Variants in NDUFS1 observed in about 807,000 individuals in gnomAD.
NDUFS1 encodes the protein NADH:ubiquinone oxidoreductase core subunit S1.
A neutral mutation model predicts 84.4 loss-of-function variants in NDUFS1; 61 were observed. The observed-to-expected ratio is 0.72, with a 90% CI of 0.59 to 0.89. The LOEUF is 0.89. Ranked by LOEUF, NDUFS1 falls within the 40% of genes least tolerant of loss-of-function variation. The probability of loss-of-function intolerance (pLI) is 0.00; values close to 1 mark genes in which losing one functional copy is unlikely to be tolerated. For missense variants in NDUFS1, 891 were observed against 890.0 expected (o/e 1.00, Z -0.01); for synonymous variants, 275 against 290.0 (o/e 0.95, Z 0.53).
intron 12 of NDUFS1, 141 bp from the exon 13 acceptor site, chr2:206,138,755 G>A (rs180929119): frequency 1.0e-5 from 10 of 957,716 alleles, no homozygotes; most frequent in African/African-American, 6.5e-5. Context: ...GATTTACTAC[G>A]TACCTTTCAA....
intron 2 of NDUFS1, 103 bp from the exon 3 acceptor site, chr2:206,152,613 C>T (rs980691876): frequency 6.1e-5 from 57 of 929,472 alleles, no homozygotes; most frequent in Middle Eastern, 2.1e-4. Context: ...TTTTTCATTC[C>T]TTATTATTCC....
In NDUFS1 at chr2:206,120,485, T is replaced by C. The variant is rs1396731265; in HGVS notation, c.*3700A>G. ...GTCTCAGATGGAAATGAGGAAGTTA[T>C]TGGGAACAGGAATAAAGGTACATCT... On this transcript the variant is annotated 3_prime_UTR_variant, in exon 19 of 19. Transcript: ENST00000233190. 3 of 152,166 alleles carry C rather than the reference T, an allele frequency of 2.0e-5. No homozygotes were observed. The highest frequency in any genetic ancestry group is 4.4e-5 in the Non-Finnish European group (3 of 68,054). The allele number at this position is 152,166 out of a possible 1,614,324, so 9.4% of individuals were successfully genotyped here. A position where few individuals can be genotyped will look rare whatever the true frequency, so the allele number is the denominator to read the frequency against.
chr2:206,115,825 A>G lies in NDUFS1; in HGVS notation c.*8360T>C. 1 of 433,158 alleles carries G rather than the reference A, an allele frequency of 2.3e-6. No individual in the cohort carries two copies. The highest frequency in any genetic ancestry group is 4.3e-6 in the Non-Finnish European group (1 of 233,260). The allele number at this position is 433,158 out of a possible 1,614,324, so 26.8% of individuals were successfully genotyped here. A position where few individuals can be genotyped will look rare whatever the true frequency, so the allele number is the denominator to read the frequency against. ...AACAACATTATCTTTGAATTATGTAATTTTTGTAACTAATTTTTACCATGG... is the reference window on the plus strand; with the variant it reads ...AACAACATTATCTTTGAATTATGTAGTTTTTGTAACTAATTTTTACCATGG... On this transcript the variant is annotated 3_prime_UTR_variant, in exon 19 of 19. Coordinates refer to ENST00000233190, the MANE Select transcript of NDUFS1 (RefSeq NM_005006.7).
At chr2:206,152,654 T>A in intron 2 of NDUFS1, 144 bp from the exon 3 acceptor site, 1 of 706,828 alleles carries the variant, frequency 1.4e-6, no homozygotes, top group Non-Finnish European at 2.6e-6. Context: ...AACTTATGGT[T>A]GTCTACTTTT....
chr2:206,126,672 TACA>T, intron 17 of NDUFS1, 35 bp downstream of exon 17: 2 of 1,614,128 alleles, frequency 1.2e-6, no homozygotes, highest in Non-Finnish European at 1.7e-6. Context: ...CACCAGTAGA[TACA>T]ACATTATGAA....
intron 12 of NDUFS1, among the ~76,000 whole-genome samples, chr2:206,141,273 G>A (rs913061765): frequency 1.4e-4 from 21 of 151,964 alleles, no homozygotes; most frequent in African/African-American, 3.9e-4. Context: ...GGCCGGGCGC[G>A]GTGGCTCACA....
chr2:206,140,941 T>TACACACAC (rs757622422), intron 12 of NDUFS1, among the ~76,000 whole-genome samples: 3 of 67,074 alleles, frequency 4.5e-5, no homozygotes, highest in Admixed American at 3.0e-4. Flanking sequence ...TATATATATA[T>TACACACAC]ATACACACAC....
chr2:206,159,376 C>T lies in NDUFS1; in HGVS notation c.-40G>A. ...GAGCCGCGGAGGCTGTTCTGCTAAACTGTCTGGACCACGACGACCCCCTAG... is the reference window on the plus strand; with the variant it reads ...GAGCCGCGGAGGCTGTTCTGCTAAATTGTCTGGACCACGACGACCCCCTAG... On this transcript the variant is annotated 5_prime_UTR_variant, in exon 1 of 19. Transcript: ENST00000233190. The T allele has an allele frequency of 1.7e-6, 1 of 573,554 alleles. No individual in the cohort carries two copies. The allele number at this position is 573,554 out of a possible 1,614,324, so 35.5% of individuals were successfully genotyped here.
chr2:206,136,783 T>TTC (rs1691733962), intron 13 of NDUFS1, among the ~76,000 whole-genome samples: 2 of 150,538 alleles, frequency 1.3e-5, no homozygotes, highest in South Asian at 4.2e-4. Context: ...GAGACAGGGT[T>TTC]TCACTCCTGT....
intron 8 of NDUFS1, among the ~76,000 whole-genome samples, chr2:206,145,807 G>A (rs1044978402): frequency 2.6e-5 from 4 of 152,174 alleles, no homozygotes; most frequent in Admixed American, 6.5e-5. Flanking sequence ...TGGTACAGAT[G>A]GAGACAACTC....
chr2:206,151,606 C>T (rs1470763022), intron 3 of NDUFS1, among the ~76,000 whole-genome samples: 1 of 152,164 alleles, frequency 6.6e-6, no homozygotes, highest in Non-Finnish European at 1.5e-5. Flanking sequence ...ACATTTAGAT[C>T]TGTGACAACT....
chr2:206,149,416 T>C (rs1193835500), intron 4 of NDUFS1, among the ~76,000 whole-genome samples: 1 of 152,132 alleles, frequency 6.6e-6, no homozygotes, highest in Admixed American at 6.5e-5. Context: ...AATAAAAAAA[T>C]TGCATACACC....
intron 13 of NDUFS1, among the ~76,000 whole-genome samples, chr2:206,136,429 T>G (rs1344154795): frequency 3.4e-5 from 4 of 118,994 alleles, no homozygotes; most frequent in East Asian, 2.1e-4. Flanking sequence ...AGTTGTTGGT[T>G]TTTTTTTTGT....
intron 8 of NDUFS1, among the ~76,000 whole-genome samples, 153 bp from the exon 9 acceptor site, chr2:206,145,179 C>T (rs903814913): frequency 2.0e-5 from 3 of 152,056 alleles, no homozygotes; most frequent in Non-Finnish European, 4.4e-5. Flanking sequence ...AATAAAAGAA[C>T]CCCCCACCTT....
At chr2:206,130,424 G>A (rs1054737251) in intron 14 of NDUFS1, among the ~76,000 whole-genome samples, 182 bp from the exon 15 acceptor site, 12 of 150,922 alleles carry the variant, frequency 8.0e-5, no homozygotes, top group African/African-American at 3.0e-4. Flanking sequence ...GCGTGATCTC[G>A]GCTCACTGTA....
intron 5 of NDUFS1, among the ~76,000 whole-genome samples, chr2:206,148,735 A>G (rs1692255463): frequency 6.6e-6 from 1 of 152,186 alleles, no homozygotes; most frequent in Non-Finnish European, 1.5e-5. Context: ...AATCAATCCC[A>G]GTATAGTATA....
At chr2:206,147,384 A>G in intron 7 of NDUFS1, 147 bp downstream of exon 7, 1 of 820,500 alleles carries the variant, frequency 1.2e-6, no homozygotes, top group Non-Finnish European at 1.9e-6. Flanking sequence ...ATGAAAGTGA[A>G]CTTATTTTAT....
intron 15 of NDUFS1, 91 bp from the exon 16 acceptor site, chr2:206,128,063 A>G: frequency 7.1e-7 from 1 of 1,411,238 alleles, no homozygotes; most frequent in Non-Finnish European, 9.8e-7. Flanking sequence ...TTTAAATCCC[A>G]TTTTGTAAAG....
chr2:206,116,675 C>T lies in NDUFS1; in HGVS notation c.*7510G>A, dbSNP rs1690953167. Reference sequence around the variant, plus strand: ...TCAAGGTGGGAGGAGCGCCTGGGCCCAGGGGTTCAAGACGAGCCTGGGCAA... The same window carrying T: ...TCAAGGTGGGAGGAGCGCCTGGGCCTAGGGGTTCAAGACGAGCCTGGGCAA... On this transcript the variant is annotated 3_prime_UTR_variant, in exon 19 of 19. Transcript: ENST00000233190. 2 of 395,234 alleles carry T rather than the reference C, an allele frequency of 5.1e-6. No individual in the cohort carries two copies. The highest frequency in any genetic ancestry group is 7.7e-5 in the Admixed American group (2 of 25,980). 24.5% of individuals were successfully genotyped at this position (395,234 alleles called of 1,614,324 possible).
Sources: allele counts gnomAD v4.1 joint callset (sites outside exome capture counted in the v4.1 genomes callset), GRCh38; gene constraint gnomAD v4.1.1; transcripts MANE v1.5; gene names NCBI Gene and HGNC (gene_info 2026-07-23, HGNC 2026-07-21).